The following KASH5 variants were observed in gnomAD, a reference collection of about 807,000 sequenced individuals.
KASH5 encodes the protein KASH domain containing 5.
KASH5 carries 72 observed loss-of-function variants against 84.2 expected under a neutral mutation model. That is an observed-to-expected ratio of 0.85 (90% confidence interval 0.71 to 1.04). KASH5 has a LOEUF of 1.04. KASH5 is among the 50% of genes least tolerant of loss of function. The probability of loss-of-function intolerance (pLI) is 0.00; values close to 1 mark genes in which losing one functional copy is unlikely to be tolerated. For synonymous variants in KASH5, 260 were observed against 279.1 expected (o/e 0.93, Z 0.68); for missense variants, 650 against 701.0 (o/e 0.93, Z 0.82).
intron 7 of KASH5, 145 bp from the exon 8 acceptor site, chr19:49,398,880 C>G: frequency 1.6e-6 from 1 of 632,228 alleles, no homozygotes; most frequent in Admixed American, 3.1e-5. Context: ...CTCTCTGGGT[C>G]TCTGTCCTCC....
chr19:49,395,963 T>A lies in KASH5; in HGVS notation c.400+130T>A. On this transcript the variant is annotated intron_variant, in intron 5 of 19. Transcript: ENST00000447857. The surrounding 1 kb of genome is among the most constrained non-coding windows in gnomAD (Gnocchi z 4.4). ...TTACTGTAGACTAGAGCTGTGAGTG[T>A]GGCTTTCTAGGTCCTCCGTCCCTTC... The A allele has an allele frequency of 1.4e-6, 1 of 717,696 alleles. No homozygotes were observed. The highest frequency in any genetic ancestry group is 2.3e-6 in the Non-Finnish European group (1 of 426,742). 44.5% of individuals were successfully genotyped at this position (717,696 alleles called of 1,614,324 possible). A position where few individuals can be genotyped will look rare whatever the true frequency, so the allele number is the denominator to read the frequency against.
At chr19:49,392,858 G>A (rs377278050) in intron 2 of KASH5, among the ~76,000 whole-genome samples, 1 of 151,876 alleles carries the variant, frequency 6.6e-6, no homozygotes, top group East Asian at 1.9e-4. Context: ...GTTGCAGTGA[G>A]CGGAGATCAC....
In KASH5 at chr19:49,417,062, A is replaced by G; in HGVS notation, c.1422A>G (p.Pro474=). The change falls in exon 18 of 20, where the codon CCA becomes CCG. Residue 474 remains proline (P), a synonymous_variant. Coordinates refer to ENST00000447857, the MANE Select transcript of KASH5 (RefSeq NM_144688.5). The surrounding 1 kb of genome is among the most constrained non-coding windows in gnomAD (Gnocchi z 5.2). ...GAGCCCCTCGCCCTGGAGACATCCCAGAAAACCCTCCAGAGAGGTAATAGG... is the reference window on the plus strand; with the variant it reads ...GAGCCCCTCGCCCTGGAGACATCCCGGAAAACCCTCCAGAGAGGTAATAGG... ...PLGAPRPGDI[P]ENPPERPARR... is the part of the protein sequence containing the mutation. The G allele has an allele frequency of 6.3e-7, 1 of 1,597,130 alleles. No individual in the cohort carries two copies. Among genetic ancestry groups the G allele is most frequent in the Non-Finnish European group, 8.5e-7 (1 of 1,172,402 alleles).
chr19:49,409,651 T>C, intron 14 of KASH5, 102 bp from the exon 15 acceptor site: 1 of 1,452,868 alleles, frequency 6.9e-7, no homozygotes, highest in East Asian at 2.3e-5. Flanking sequence ...TTTCTATCTC[T>C]CATCCTATTT....
In KASH5 at chr19:49,397,828, G is replaced by T. The variant is rs73578515; in HGVS notation, c.467+111G>T. The stretch of plus-strand genomic sequence containing the variant: ...CTTCAGGGAAATGAATGAGGGACGG[G>T]GCTTTGCTGAAAGTTCAGGGAGAGC... On this transcript the variant is annotated intron_variant, in intron 6 of 19. Coordinates refer to ENST00000447857, the MANE Select transcript of KASH5 (RefSeq NM_144688.5). 3,509 of 1,465,810 alleles carry T rather than the reference G, an allele frequency of 2.4e-3. 65 individuals carry two copies. In the African/African-American group the frequency reaches 0.044, roughly 18 times the overall value. 90.8% of individuals were successfully genotyped at this position (1,465,810 alleles called of 1,614,324 possible).
Position 49,417,721 on chromosome 19 carries a change from A to G in KASH5, c.*211A>G. ...GCAAAACTCCCCCAGTAATGGATTA[A>G]GCACTAAGGATTATTCCCTCACAAA... On this transcript the variant is annotated 3_prime_UTR_variant, in exon 20 of 20. Transcript: ENST00000447857. The surrounding 1 kb of genome is among the most constrained non-coding windows in gnomAD (Gnocchi z 5.2). The G allele has an allele frequency of 1.7e-6, 1 of 582,512 alleles. No homozygotes were observed. The highest frequency in any genetic ancestry group is 2.7e-6 in the Non-Finnish European group (1 of 374,534). 36.1% of individuals were successfully genotyped at this position (582,512 alleles called of 1,614,324 possible). A position where few individuals can be genotyped will look rare whatever the true frequency, so the allele number is the denominator to read the frequency against.
At chr19:49,389,588 C>G (rs1159903253) in intron 1 of KASH5, 15 of 152,560 alleles carry the variant, frequency 9.8e-5, no homozygotes, top group Admixed American at 8.5e-4. Context: ...AAGGGCCTCT[C>G]TTCAAAGACC....
rs963240440 is a variant in KASH5 at position 49,412,435 on chromosome 19, A to T, written c.1270-533A>T. ...GGGATGTCTGGGGGCTGCCTGGAAG[A>T]GTTGGGTGCACCATCCTGGAGCTCG... On this transcript the variant is annotated intron_variant, in intron 15 of 19. Transcript: ENST00000447857. This position sits in a 1 kb window ranked among gnomAD's most constrained non-coding sequence, Gnocchi z 4.6. Among the ~76,000 whole-genome samples, 2 of 152,116 alleles carry T rather than the reference A, an allele frequency of 1.3e-5. No homozygotes were observed. Among genetic ancestry groups the T allele is most frequent in the African/African-American group, 4.8e-5 (2 of 41,418 alleles).
At chr19:49,393,711 GTGTGTGTGTA>G (rs1035300262) in intron 2 of KASH5, 2 of 151,402 alleles carry the variant, frequency 1.3e-5, no homozygotes, top group African/African-American at 5.2e-5. Context: ...GTGTGTGTGT[GTGTGTGTGTA>G]CATGCGTGTG....
intron 12 of KASH5, among the ~76,000 whole-genome samples, chr19:49,407,945 CT>C (rs1381319002): frequency 6.6e-6 from 1 of 151,946 alleles, no homozygotes; most frequent in African/African-American, 2.4e-5. Context: ...GAGACGGAGT[CT>C]TGCTCTGTCG....
intron 11 of KASH5, 42 bp from the exon 12 acceptor site, chr19:49,407,570 G>A: frequency 6.5e-7 from 1 of 1,544,864 alleles, no homozygotes; most frequent in Non-Finnish European, 8.8e-7. Context: ...CAGTGTCTTT[G>A]GGGAACTGGT....
At chr19:49,405,760 C>T (rs1442290581) in intron 9 of KASH5, among the ~76,000 whole-genome samples, 1 of 151,868 alleles carries the variant, frequency 6.6e-6, no homozygotes, top group Admixed American at 6.6e-5. Flanking sequence ...AGTTCAAGAC[C>T]AGCCTGGCCA....
chr19:49,397,782 G>T, intron 6 of KASH5, 65 bp downstream of exon 6: 2 of 1,567,844 alleles, frequency 1.3e-6, no homozygotes, highest in Non-Finnish European at 1.7e-6. Flanking sequence ...GCCTGCCGAG[G>T]CCCGGGTAGG....
At chr19:49,394,747 G>A (rs1263200059) in intron 3 of KASH5, 167 bp downstream of exon 3, 1 of 611,812 alleles carries the variant, frequency 1.6e-6, no homozygotes, top group Non-Finnish European at 2.9e-6. Flanking sequence ...CGTGGATAAT[G>A]GGGTGAAGGC....
At chr19:49,389,773 A>AG (rs1372285272) in intron 1 of KASH5, 1 of 152,358 alleles carries the variant, frequency 6.6e-6, no homozygotes, top group Non-Finnish European at 1.5e-5. Flanking sequence ...GCGGCCACTA[A>AG]GGTTTTGGGT....
chr19:49,408,877 G>C, intron 12 of KASH5, 90 bp from the exon 13 acceptor site: 1 of 1,386,708 alleles, frequency 7.2e-7, no homozygotes, highest in Admixed American at 2.0e-5. Flanking sequence ...GTCAGGAAAG[G>C]GGAAAGAACC....
In KASH5 at chr19:49,395,313, C is replaced by T. The variant is rs781766132; in HGVS notation, c.335+21C>T. The T allele has an allele frequency of 6.2e-7, 1 of 1,608,284 alleles. No homozygotes were observed. The highest frequency in any genetic ancestry group is 1.7e-5 in the Admixed American group (1 of 58,016). On this transcript the variant is annotated intron_variant, in intron 4 of 19. Transcript: ENST00000447857. This position sits in a 1 kb window ranked among gnomAD's most constrained non-coding sequence, Gnocchi z 4.4. ...CATGGGTGAGTCCCCACATCTTCAT[C>T]CTCCTCTGGGAAGTCCTTCCTAAGA...
At chr19:49,391,959 G>A (rs1019787590) in intron 2 of KASH5, among the ~76,000 whole-genome samples, 7 of 152,222 alleles carry the variant, frequency 4.6e-5, no homozygotes, top group Non-Finnish European at 5.9e-5. Flanking sequence ...CAAAGCCCCA[G>A]ACCTCAGGAG....
At chr19:49,406,600 C>G (rs1000642101) in intron 9 of KASH5, among the ~76,000 whole-genome samples, 26 of 152,254 alleles carry the variant, frequency 1.7e-4, no homozygotes, top group Middle Eastern at 3.4e-3. Flanking sequence ...TGGTCTTGAA[C>G]TCCTGACCTT....
Sources: allele counts gnomAD v4.1 joint callset (sites outside exome capture counted in the v4.1 genomes callset), GRCh38; gene constraint gnomAD v4.1.1; non-coding constraint Gnocchi (gnomAD v3.1); transcripts MANE v1.5; gene names NCBI Gene and HGNC (gene_info 2026-07-23, HGNC 2026-07-21).